The following SPAG16 variants were observed in gnomAD, a reference collection of about 807,000 sequenced individuals.
The protein encoded by SPAG16 is sperm-associated antigen 16 protein.
Under a neutral mutation model 80.4 loss-of-function variants are expected in SPAG16, and 86 were observed. The observed-to-expected ratio is 1.07, with a 90% confidence interval of 0.90 to 1.28. SPAG16 has a LOEUF of 1.28. Among genes scored for constraint, SPAG16 ranks in the 50% most tolerant of loss-of-function variants. The pLI, the probability that SPAG16 is intolerant of heterozygous loss-of-function variation, is 0.00. For synonymous variants in SPAG16, 294 were observed against 265.9 expected, an observed-to-expected ratio of 1.11 and a Z score of -1.03; for missense variants, 870 against 765.3, an observed-to-expected ratio of 1.14 and a Z score of -1.61.
chr2:213,317,432 G>T, intron 5 of SPAG16, 76 bp downstream of exon 5: 1 of 1,453,434 alleles, frequency 6.9e-7, no homozygotes, highest in Non-Finnish European at 9.1e-7. Flanking sequence ...GCTGATATAT[G>T]TAATATACCA....
At chr2:213,944,078 G>A (rs924066013) in intron 12 of SPAG16, among the ~76,000 whole-genome samples, 3 of 152,216 alleles carry the variant, frequency 2.0e-5, no homozygotes, top group African/African-American at 4.8e-5. Flanking sequence ...GGTCCAGAGT[G>A]TATGGGCCTG....
intron 9 of SPAG16, among the ~76,000 whole-genome samples, chr2:213,405,505 T>C (rs915585272): frequency 1.3e-5 from 2 of 152,236 alleles, no homozygotes; most frequent in African/African-American, 4.8e-5. Context: ...TTTCTGGTTA[T>C]TTTGAAATAT....
chr2:213,412,279 C>T (rs926478921), intron 9 of SPAG16, among the ~76,000 whole-genome samples: 5 of 152,184 alleles, frequency 3.3e-5, no homozygotes, highest in Admixed American at 1.3e-4. Flanking sequence ...CCTGTGTGGT[C>T]TAACCCTAGC....
At chr2:214,389,701 T>C (rs1257092206) in intron 15 of SPAG16, among the ~76,000 whole-genome samples, 1 of 152,256 alleles carries the variant, frequency 6.6e-6, no homozygotes, top group African/African-American at 2.4e-5. Flanking sequence ...GGAAGAGTCC[T>C]TGCTTTCATT....
At chr2:213,604,715 T>A (rs1559301027) in intron 10 of SPAG16, among the ~76,000 whole-genome samples, 1 of 152,008 alleles carries the variant, frequency 6.6e-6, no homozygotes, top group Non-Finnish European at 1.5e-5. Flanking sequence ...ACAGTTCTAT[T>A]TCTACACAAT....
chr2:213,292,869 T>A (rs1035819336), intron 1 of SPAG16, among the ~76,000 whole-genome samples: 2 of 151,912 alleles, frequency 1.3e-5, no homozygotes, highest in African/African-American at 2.4e-5. Context: ...CACTTGTATA[T>A]CATTTACTAT....
intron 11 of SPAG16, among the ~76,000 whole-genome samples, chr2:213,918,635 G>A (rs13425529): frequency 0.59 from 88,983 of 152,044 alleles, 27,846 homozygotes; most frequent in South Asian, 0.84. Flanking sequence ...CTCCTGCCAT[G>A]TAAGACATGC....
chr2:213,368,084 G>C (rs1209072434), intron 8 of SPAG16, among the ~76,000 whole-genome samples: 2 of 151,654 alleles, frequency 1.3e-5, no homozygotes, highest in Non-Finnish European at 2.9e-5. Flanking sequence ...GTTTGTCAAA[G>C]ATCAGATAGT....
chr2:214,083,160 T>C (rs2051496121), intron 13 of SPAG16, among the ~76,000 whole-genome samples: 1 of 152,184 alleles, frequency 6.6e-6, no homozygotes, highest in Non-Finnish European at 1.5e-5. Flanking sequence ...TATTCTGAAT[T>C]TGTCAGATTT....
intron 10 of SPAG16, among the ~76,000 whole-genome samples, chr2:213,663,365 T>C (rs1347047084): frequency 6.6e-6 from 1 of 152,058 alleles, no homozygotes; most frequent in African/African-American, 2.4e-5. Context: ...CAACAATATA[T>C]GCATTTAAAA....
chr2:213,490,889 G>A (rs1463893018), intron 10 of SPAG16, among the ~76,000 whole-genome samples: 2 of 152,030 alleles, frequency 1.3e-5, no homozygotes, highest in African/African-American at 4.8e-5. Context: ...TATACTTAAG[G>A]AGGACTAATG....
intron 9 of SPAG16, among the ~76,000 whole-genome samples, chr2:213,479,598 T>C (rs931216957): frequency 9.6e-4 from 146 of 152,218 alleles, no homozygotes; most frequent in African/African-American, 3.1e-3. Context: ...AAAAAAGCAC[T>C]ATCTGTTAAC....
chr2:214,350,491 A>C (rs1334050014), intron 15 of SPAG16, among the ~76,000 whole-genome samples: 2 of 152,208 alleles, frequency 1.3e-5, no homozygotes, highest in Non-Finnish European at 2.9e-5. Flanking sequence ...TAGATAATAT[A>C]TCTTTTGATA....
chr2:214,234,001 C>T (rs1357661130), intron 15 of SPAG16, among the ~76,000 whole-genome samples: 4 of 151,994 alleles, frequency 2.6e-5, no homozygotes, highest in African/African-American at 7.2e-5. Context: ...AGCCCAGCAT[C>T]CATTAACTAT....
At chr2:213,670,362 C>G (rs1461874110) in intron 10 of SPAG16, among the ~76,000 whole-genome samples, 1 of 152,076 alleles carries the variant, frequency 6.6e-6, no homozygotes, top group Non-Finnish European at 1.5e-5. Flanking sequence ...TTATTTCATA[C>G]AGCAATAATT....
At chr2:213,999,533 G>A (rs2046688726) in intron 12 of SPAG16, among the ~76,000 whole-genome samples, 1 of 152,252 alleles carries the variant, frequency 6.6e-6, no homozygotes, top group African/African-American at 2.4e-5. Context: ...GAAGAGAAAT[G>A]TGTGGCTGGA....
At chr2:213,930,390 G>T (rs560220856) in intron 12 of SPAG16, among the ~76,000 whole-genome samples, 1 of 152,240 alleles carries the variant, frequency 6.6e-6, no homozygotes, top group Non-Finnish European at 1.5e-5. Flanking sequence ...TATGTAATAA[G>T]ATTAGAATTG....
At chr2:214,284,488 C>G (rs1186144623) in intron 15 of SPAG16, among the ~76,000 whole-genome samples, 1 of 152,176 alleles carries the variant, frequency 6.6e-6, no homozygotes, top group African/African-American at 2.4e-5. Context: ...GGTGGTGCAT[C>G]TGTCTCATGT....
chr2:214,234,660 A>T (rs940676923), intron 15 of SPAG16, among the ~76,000 whole-genome samples: 1 of 151,810 alleles, frequency 6.6e-6, no homozygotes, highest in African/African-American at 2.4e-5. Context: ...GCTTTTTTTC[A>T]TATGTTTGTT....
Sources: gnomAD v4.1 joint callset for allele counts (sites outside exome capture counted in the v4.1 genomes callset) on GRCh38, gnomAD v4.1.1 for gene constraint, MANE v1.5 for transcripts, NCBI Gene and HGNC (gene_info 2026-07-23, HGNC 2026-07-21) for gene names.